Variants in MDFIC2 observed in about 807,000 individuals in gnomAD.
The protein encoded by MDFIC2 is MyoD family inhibitor domain containing 2.
chr3:70,271,293 G>T (rs182932368), intron 2 of MDFIC2, among the ~76,000 whole-genome samples: 2 of 152,176 alleles, frequency 1.3e-5, no homozygotes, highest in Admixed American at 1.3e-4. Context: ...AAAAGGACCT[G>T]GTAGGAAGCA....
intron 2 of MDFIC2, among the ~76,000 whole-genome samples, chr3:70,299,490 A>C (rs776751804): frequency 5.3e-5 from 8 of 152,122 alleles, no homozygotes; most frequent in Non-Finnish European, 7.4e-5. Context: ...CATATTAAAA[A>C]TTCCCATTGA....
At chr3:70,212,841 G>A (rs1246275878) in intron 2 of MDFIC2, among the ~76,000 whole-genome samples, 3 of 151,930 alleles carry the variant, frequency 2.0e-5, no homozygotes, top group Non-Finnish European at 4.4e-5. Flanking sequence ...AGGCTGGAGT[G>A]CAGTGGTGGT....
At chr3:70,290,168 G>T (rs1020214678) in intron 2 of MDFIC2, among the ~76,000 whole-genome samples, 5 of 152,124 alleles carry the variant, frequency 3.3e-5, no homozygotes, top group African/African-American at 1.2e-4. Context: ...TTTCTGTTCT[G>T]TTTTTTCCCC....
At position 70,255,627 on chromosome 3, in the gene MDFIC2, A is replaced by AT. The variant is rs1472913553; in HGVS notation, c.89-48838dup. Among the ~76,000 whole-genome samples, 9 of 150,682 alleles carry AT rather than the reference A, an allele frequency of 6.0e-5. No individual in the cohort carries two copies. The East Asian group carries it at 1.4e-3, about 23-fold the overall frequency. On this transcript the variant is annotated intron_variant, in intron 2 of 3. Transcript: ENST00000567252. ...CAGGCATGCACCACCAAGCCTGGCT[A>AT]TTTTTTTTTCCTGTGGAGGTGGGGT...
At chr3:70,280,297 C>A (rs187183043) in intron 2 of MDFIC2, among the ~76,000 whole-genome samples, 1 of 152,116 alleles carries the variant, frequency 6.6e-6, no homozygotes, top group Non-Finnish European at 1.5e-5. Context: ...AATCTCTCCA[C>A]GTCAGGATCC....
chr3:70,283,086 T>C (rs1038665872), intron 2 of MDFIC2, among the ~76,000 whole-genome samples: 3 of 152,106 alleles, frequency 2.0e-5, no homozygotes, highest in African/African-American at 7.2e-5. Flanking sequence ...TCTCCACCAA[T>C]AGGTCTTGGG....
At chr3:70,283,428 T>C (rs1214865720) in intron 2 of MDFIC2, among the ~76,000 whole-genome samples, 1 of 152,128 alleles carries the variant, frequency 6.6e-6, no homozygotes, top group Non-Finnish European at 1.5e-5. Context: ...CCCTGGATAC[T>C]GTAGAATTGT....
chr3:70,296,586 T>TA (rs1298113906), intron 2 of MDFIC2, among the ~76,000 whole-genome samples: 3 of 152,196 alleles, frequency 2.0e-5, no homozygotes, highest in African/African-American at 7.2e-5. Flanking sequence ...TCCAGTGGAA[T>TA]AAAAGGCATG....
intron 2 of MDFIC2, among the ~76,000 whole-genome samples, chr3:70,282,491 C>T (rs941589722): frequency 6.6e-6 from 1 of 152,216 alleles, no homozygotes; most frequent in African/African-American, 2.4e-5. Context: ...TGATTGGGCC[C>T]TGAGCCTCTG....
intron 2 of MDFIC2, among the ~76,000 whole-genome samples, chr3:70,239,801 G>T (rs1017115581): frequency 6.6e-6 from 1 of 152,006 alleles, no homozygotes; most frequent in Admixed American, 6.6e-5. Context: ...GTGACGTCTC[G>T]TTCAACTCAG....
At chr3:70,292,157 A>C (rs1702245047) in intron 2 of MDFIC2, 2 of 152,214 alleles carry the variant, frequency 1.3e-5, no homozygotes, top group Non-Finnish European at 2.9e-5. Context: ...GGCACTGGAC[A>C]AACTACTCCA....
In MDFIC2 at chr3:70,195,804, A is replaced by T. The variant is rs1448692917; in HGVS notation, c.*1122T>A. Among the ~76,000 whole-genome samples the T allele has an allele frequency of 1.3e-5, 2 of 152,250 alleles. No individual in the cohort carries two copies. The highest frequency in any genetic ancestry group is 1.3e-4 in the Admixed American group (2 of 15,288). ...ATTGTTTCTACAGAAAGTAAAGAAC[A>T]TTCCAAAGTAACTTTAACCTAGATG... On this transcript the variant is annotated 3_prime_UTR_variant, in exon 4 of 4. Transcript: ENST00000567252.
chr3:70,277,559 G>T (rs1345933915), intron 2 of MDFIC2, among the ~76,000 whole-genome samples: 7 of 152,178 alleles, frequency 4.6e-5, no homozygotes, highest in Admixed American at 3.3e-4. Context: ...TATTACTGCT[G>T]TCATAAGTGG....
At chr3:70,286,863 G>A (rs1441556299) in intron 2 of MDFIC2, among the ~76,000 whole-genome samples, 1 of 152,034 alleles carries the variant, frequency 6.6e-6, no homozygotes, top group East Asian at 1.9e-4. Flanking sequence ...CTGTTTGTCT[G>A]TTGTTGGTGT....
intron 2 of MDFIC2, among the ~76,000 whole-genome samples, chr3:70,217,838 G>A (rs552071639): frequency 1.3e-5 from 2 of 152,250 alleles, no homozygotes; most frequent in East Asian, 3.9e-4. Flanking sequence ...GGGCTTGGGG[G>A]TGACATACTG....
At chr3:70,300,157 A>T (rs573484394) in intron 2 of MDFIC2, among the ~76,000 whole-genome samples, 1 of 152,080 alleles carries the variant, frequency 6.6e-6, no homozygotes, top group South Asian at 2.1e-4. Context: ...CCTTCCATTT[A>T]TTCATGTCAT....
At chr3:70,210,677 G>T (rs913776749) in intron 2 of MDFIC2, among the ~76,000 whole-genome samples, 1 of 151,996 alleles carries the variant, frequency 6.6e-6, no homozygotes, top group Non-Finnish European at 1.5e-5. Flanking sequence ...CTATATTTGG[G>T]ATGTTATTCA....
intron 2 of MDFIC2, among the ~76,000 whole-genome samples, chr3:70,237,637 G>A (rs1701622959): frequency 6.6e-6 from 1 of 152,132 alleles, no homozygotes; most frequent in Non-Finnish European, 1.5e-5. Context: ...AGTAAACTTG[G>A]AATCCATGTA....
chr3:70,249,152 G>T (rs1701735814), intron 2 of MDFIC2: 1 of 152,142 alleles, frequency 6.6e-6, no homozygotes, highest in African/African-American at 2.4e-5. Flanking sequence ...ATGTACACTT[G>T]GACCAAGTTC....
Sources: gnomAD v4.1 joint callset for allele counts (sites outside exome capture counted in the v4.1 genomes callset) on GRCh38, gnomAD v4.1.1 for gene constraint, MANE v1.5 for transcripts, NCBI Gene and HGNC (gene_info 2026-07-23, HGNC 2026-07-21) for gene names.